AFAP1L1: variants seen among roughly 807,000 people sequenced by gnomAD.
AFAP1L1 encodes actin filament associated protein 1 like 1, also known as actin filament-associated protein 1-like 1.
In AFAP1L1, 77 loss-of-function variants were observed where a neutral mutation model predicts 99.8. The observed-to-expected ratio is 0.77, with a 90% CI of 0.64 to 0.93. AFAP1L1 has a LOEUF of 0.93. Among genes scored for constraint, AFAP1L1 ranks in the 40% least tolerant of loss-of-function variants. The pLI, the probability that AFAP1L1 is intolerant of heterozygous loss-of-function variation, is 0.00. For synonymous variants in AFAP1L1, 373 were observed against 395.3 expected (o/e 0.94, Z 0.67); for missense variants, 893 against 996.8 (o/e 0.90, Z 1.40).
At chr5:149,277,030 T>G (rs1262121716) in intron 1 of AFAP1L1, among the ~76,000 whole-genome samples, 1 of 152,250 alleles carries the variant, frequency 6.6e-6, no homozygotes, top group Non-Finnish European at 1.5e-5. Flanking sequence ...CTTTTCATTC[T>G]TCTTGGATCA....
chr5:149,296,091 T>C (rs1215438516), intron 1 of AFAP1L1, among the ~76,000 whole-genome samples: 2 of 152,182 alleles, frequency 1.3e-5, no homozygotes, highest in African/African-American at 2.4e-5. Flanking sequence ...TGAAATGCAG[T>C]GGCACAGTCA....
chr5:149,316,604 C>T (rs181731040), intron 11 of AFAP1L1, among the ~76,000 whole-genome samples: 10 of 152,214 alleles, frequency 6.6e-5, no homozygotes, highest in East Asian at 1.9e-4. Context: ...GTTTCCTCCA[C>T]GATAACAAGA....
In AFAP1L1 at chr5:149,308,687, A is replaced by G. The variant is rs150415676; in HGVS notation, c.747+1074A>G. 3.1e-4 allele frequency among the ~76,000 whole-genome samples: 47 copies of G among 152,264 alleles called. 1 individual carries two copies. In the East Asian group the frequency reaches 8.7e-3, roughly 28 times the overall value. The stretch of plus-strand genomic sequence containing the variant: ...AGGGGACATGACCATCCTCTTTCCA[A>G]TCCTACCCCTTCTATATTTTTCTCC... On this transcript the variant is annotated intron_variant, in intron 7 of 18. Transcript: ENST00000296721.
chr5:149,335,767 C>T, intron 18 of AFAP1L1, 45 bp downstream of exon 18: 1 of 1,593,832 alleles, frequency 6.3e-7, no homozygotes, highest in South Asian at 1.1e-5. Flanking sequence ...ATCTGGTAGC[C>T]CCCTTTCTAT....
At chr5:149,272,800 T>A (rs1161295567) in intron 1 of AFAP1L1, among the ~76,000 whole-genome samples, 1 of 151,828 alleles carries the variant, frequency 6.6e-6, no homozygotes, top group African/African-American at 2.4e-5. Context: ...CCTCCCGGGT[T>A]CAAGCGATTC....
rs1177854224 is a variant in AFAP1L1, at chr5:149,322,653, C to T, written c.1746C>T (p.Ala582=). 3.1e-6 allele frequency: 5 copies of T among 1,594,060 alleles called. No homozygotes were observed. The highest frequency in any genetic ancestry group is 4.3e-6 in the Non-Finnish European group (5 of 1,169,540). Residue 582 remains alanine, a synonymous_variant, in exon 15 of 19, where the codon GCC becomes GCT. Coordinates refer to ENST00000296721, the MANE Select transcript of AFAP1L1 (RefSeq NM_152406.4). ...CAGGGGCCCAGGTGAAGCGTCACGC[C>T]TCCTCCTGCAGTGAGAAGTCCCATC... is the stretch of plus-strand genomic sequence containing the variant. ...RPTGAQVKRH[A]SSCSEKSHRV...
intron 2 of AFAP1L1, 48 bp from the exon 3 acceptor site, chr5:149,300,223 C>T (rs1756153696): frequency 6.9e-7 from 1 of 1,449,982 alleles, no homozygotes. Context: ...CGGGGGAGAC[C>T]TGGTCCCTCC....
chr5:149,301,147 G>A lies in AFAP1L1; in HGVS notation c.244G>A (p.Asp82Asn), dbSNP rs147722037. The change falls in exon 4 of 19, where the codon GAC becomes AAC. Residue 82 changes from aspartate to asparagine, a missense_variant. Physicochemically the swap from Asp to Asn is conservative, Grantham distance 23. Coordinates refer to ENST00000296721, the MANE Select transcript of AFAP1L1 (RefSeq NM_152406.4). ...LFEEFDCDLS[D>N]LRDMPEDDGE... ...TCCCTCTGTAGACTGTGACCTGAGT[G>A]ACCTTCGGGACATGCCAGAGGATGA... is the stretch of plus-strand genomic sequence containing the variant. The A allele has an allele frequency of 3.7e-5, 59 of 1,613,964 alleles. No individual in the cohort carries two copies. The African/African-American group carries it at 7.6e-4, about 21-fold the overall frequency.
intron 16 of AFAP1L1, 66 bp from the exon 17 acceptor site, chr5:149,332,629 C>T (rs1174808931): frequency 2.8e-5 from 43 of 1,539,320 alleles, no homozygotes; most frequent in Non-Finnish European, 3.5e-5. Context: ...AGGCCTGAGG[C>T]CCTGCCAGAT....
At chr5:149,292,870 G>T (rs1191305747) in intron 1 of AFAP1L1, among the ~76,000 whole-genome samples, 1 of 152,176 alleles carries the variant, frequency 6.6e-6, no homozygotes, top group Non-Finnish European at 1.5e-5. Context: ...CCTGACCGGG[G>T]ACAGCAAGGA....
chr5:149,316,135 C>T lies in AFAP1L1; in HGVS notation c.1115-16C>T. 1 of 1,611,134 alleles carries T rather than the reference C, an allele frequency of 6.2e-7. No homozygotes were observed. The highest frequency in any genetic ancestry group is 8.5e-7 in the Non-Finnish European group (1 of 1,177,898). On this transcript the variant is annotated splice_polypyrimidine_tract_variant and intron_variant, in intron 10 of 18. Coordinates refer to ENST00000296721, the MANE Select transcript of AFAP1L1 (RefSeq NM_152406.4). ...CTCAGGGCTCCCTCCACTCCCCTGA[C>T]CCATTTCCCCAACAGGCAAAGGGAA...
chr5:149,292,925 ATT>A (rs1755903272), intron 1 of AFAP1L1, among the ~76,000 whole-genome samples: 1 of 152,150 alleles, frequency 6.6e-6, no homozygotes, highest in African/African-American at 2.4e-5. Context: ...TCTAGAAGAT[ATT>A]GTCTCCTCAC....
At chr5:149,302,689 G>T (rs1003408428) in intron 5 of AFAP1L1, 163 bp downstream of exon 5, 2 of 601,868 alleles carry the variant, frequency 3.3e-6, no homozygotes, top group African/African-American at 1.9e-5. Flanking sequence ...GGCCTCTTCG[G>T]TGACAGCCTG....
At chr5:149,303,571 T>G (rs367767614) in intron 5 of AFAP1L1, among the ~76,000 whole-genome samples, 71 of 152,374 alleles carry the variant, frequency 4.7e-4, no homozygotes, top group African/African-American at 1.6e-3. Flanking sequence ...ATCAAATTTC[T>G]AAAATGAATT....
At chr5:149,303,618 T>C (rs917275947) in intron 5 of AFAP1L1, among the ~76,000 whole-genome samples, 1 of 152,178 alleles carries the variant, frequency 6.6e-6, no homozygotes, top group African/African-American at 2.4e-5. Flanking sequence ...ATTATGTCAT[T>C]GAAAATGTCA....
At chr5:149,332,397 A>G (rs1439812089) in intron 16 of AFAP1L1, among the ~76,000 whole-genome samples, 1 of 34,664 alleles carries the variant, frequency 2.9e-5, no homozygotes, top group Non-Finnish European at 6.5e-5. Flanking sequence ...CTCCGTCTCA[A>G]AAAAAAAAGA....
chr5:149,297,870 T>C (rs1308764642), intron 1 of AFAP1L1, among the ~76,000 whole-genome samples: 1 of 152,200 alleles, frequency 6.6e-6, no homozygotes, highest in East Asian at 1.9e-4. Flanking sequence ...ATCAGTGTAG[T>C]AAATTCTTCA....
intron 5 of AFAP1L1, among the ~76,000 whole-genome samples, chr5:149,304,696 C>T (rs80063258): frequency 0.022 from 3,363 of 152,264 alleles, 131 homozygotes; most frequent in East Asian, 0.13. Context: ...TGTGTCCCCA[C>T]GCCCCCTCAC....
chr5:149,287,226 ATTC>A (rs141313523), intron 1 of AFAP1L1, among the ~76,000 whole-genome samples: 9,608 of 152,222 alleles, frequency 0.063, 601 homozygotes, highest in African/African-American at 0.16. Flanking sequence ...AGCACTGTAT[ATTC>A]TTTTAATAAA....
Sources: allele counts gnomAD v4.1 joint callset (sites outside exome capture counted in the v4.1 genomes callset), GRCh38; gene constraint gnomAD v4.1.1; transcripts MANE v1.5; gene names NCBI Gene and HGNC (gene_info 2026-07-23, HGNC 2026-07-21).